POMT2: variants seen among roughly 807,000 people sequenced by gnomAD.
The protein encoded by POMT2 is protein O-mannosyl-transferase 2.
Under a neutral mutation model 100.0 loss-of-function variants are expected in POMT2, and 75 were observed. The observed-to-expected ratio is 0.75, with a 90% CI of 0.62 to 0.91. The LOEUF (loss-of-function observed/expected upper bound fraction) is 0.91, where lower values mean the gene tolerates loss of function less well. Ranked by LOEUF, POMT2 falls within the 40% of genes least tolerant of loss-of-function variation. The pLI is 0.00. For synonymous variants in POMT2, 378 were observed against 374.1 expected, an observed-to-expected ratio of 1.01 and a Z score of -0.12; for missense variants, 940 against 955.1, an observed-to-expected ratio of 0.98 and a Z score of 0.21.
chr14:77,292,901 T>A (rs1890688588), intron 9 of POMT2, among the ~76,000 whole-genome samples: 1 of 152,210 alleles, frequency 6.6e-6, no homozygotes, highest in African/African-American at 2.4e-5. Context: ...CCTAGGTTTG[T>A]GTAAGTACAT....
chr14:77,296,798 T>C (rs537849800), intron 8 of POMT2, among the ~76,000 whole-genome samples: 2 of 152,386 alleles, frequency 1.3e-5, no homozygotes, highest in Non-Finnish European at 2.9e-5. Flanking sequence ...CCTGCTCCTA[T>C]AGGCCCTGAG....
intron 20 of POMT2, 32 bp downstream of exon 20, chr14:77,278,362 T>C (rs1051291132): frequency 7.0e-7 from 1 of 1,429,678 alleles, no homozygotes; most frequent in Non-Finnish European, 9.6e-7. Context: ...GAGCCCACAC[T>C]GGGAGGGCAT....
intron 18 of POMT2, chr14:77,279,404 A>G (rs1890117421): frequency 2.5e-6 from 1 of 395,846 alleles, no homozygotes; most frequent in Admixed American, 3.2e-5. Flanking sequence ...GCTCCTCTCT[A>G]GCCCATGAGA....
chr14:77,287,028 G>C (rs1890449575), intron 11 of POMT2: 1 of 1,030,764 alleles, frequency 9.7e-7, no homozygotes, highest in Non-Finnish European at 1.4e-6. Context: ...CAAACCAGGA[G>C]AGACAGATGG....
chr14:77,292,548 TCCAATTATG>T (rs1481869662), intron 9 of POMT2, among the ~76,000 whole-genome samples: 1 of 152,184 alleles, frequency 6.6e-6, no homozygotes, highest in Non-Finnish European at 1.5e-5. Flanking sequence ...ACTATATACG[TCCAATTATG>T]CCAATTATGT....
rs3214405 is a variant in POMT2 at position 77,291,053 on chromosome 14, GCTAT to G, written c.1183+257_1183+260del. ...TCTACTTAGATTAAATCTGGGCTCC[GCTAT>G]CTGTCTTCAAAATGACAGCTCTAAG... On this transcript the variant is annotated intron_variant, in intron 10 of 20. Coordinates refer to ENST00000261534, the MANE Select transcript of POMT2 (RefSeq NM_013382.7). Among the ~76,000 whole-genome samples the G allele has an allele frequency of 0.027, 4,093 of 152,218 alleles. 74 individuals carry two copies. Among genetic ancestry groups the G allele is most frequent in the Middle Eastern group, 0.078 (23 of 294 alleles).
chr14:77,285,717 T>C, intron 12 of POMT2, 85 bp from the exon 13 acceptor site: 1 of 1,477,938 alleles, frequency 6.8e-7, no homozygotes, highest in Non-Finnish European at 9.4e-7. Flanking sequence ...GCCACCCAGA[T>C]GCCACCATGT....
At chr14:77,318,748 T>C (rs1418371837) in intron 1 of POMT2, among the ~76,000 whole-genome samples, 1 of 151,766 alleles carries the variant, frequency 6.6e-6, no homozygotes, top group Non-Finnish European at 1.5e-5. Context: ...TTTTTTTTTT[T>C]TTTTTGAGAC....
At chr14:77,306,212 C>G in intron 3 of POMT2, 125 bp downstream of exon 3, 1 of 1,513,792 alleles carries the variant, frequency 6.6e-7, no homozygotes, top group Non-Finnish European at 8.9e-7. Flanking sequence ...TCATCCTCCC[C>G]TCTCCTCACC....
At position 77,306,486 on chromosome 14, in the gene POMT2, A is replaced by G. The variant is rs66502123; in HGVS notation, c.334-45T>C. ...CAAAAAGATGAGAAGCCTTTGGGAG[A>G]AGATTCCTCTGTCCTCTGAACTTCC... is the stretch of plus-strand genomic sequence containing the variant. On this transcript the variant is annotated intron_variant, in intron 2 of 20. Coordinates refer to ENST00000261534, the MANE Select transcript of POMT2 (RefSeq NM_013382.7). 0.11 allele frequency: 177,886 copies of G among 1,602,448 alleles called. 11,093 individuals are homozygous for G. Among genetic ancestry groups the G allele is most frequent in the South Asian group, 0.19 (17,380 of 90,634 alleles).
chr14:77,303,345 G>A (rs540451219), intron 4 of POMT2, among the ~76,000 whole-genome samples: 6 of 152,160 alleles, frequency 3.9e-5, no homozygotes, highest in African/African-American at 7.2e-5. Context: ...CTTGGGGGTC[G>A]ATTCTCCAGA....
chr14:77,320,205 G>T, intron 1 of POMT2: 1 of 695,284 alleles, frequency 1.4e-6, no homozygotes, highest in Non-Finnish European at 2.4e-6. Flanking sequence ...GAAGACATGA[G>T]GGCTGCTTCC....
At chr14:77,286,928 T>C in intron 11 of POMT2, 106 bp from the exon 12 acceptor site, 1 of 1,569,944 alleles carries the variant, frequency 6.4e-7, no homozygotes, top group Non-Finnish European at 8.7e-7. Context: ...TAAGAAAAAT[T>C]AGAATCTGAA....
chr14:77,298,698 T>C lies in POMT2; in HGVS notation c.997A>G (p.Ile333Val), dbSNP rs1890917117. 2 of 1,613,788 alleles carry C rather than the reference T, an allele frequency of 1.2e-6. No individual in the cohort carries two copies. Among genetic ancestry groups the C allele is most frequent in the Non-Finnish European group, 1.7e-6 (2 of 1,179,898 alleles). The change falls in exon 8 of 21, where the codon ATC (isoleucine) becomes GTC (valine). Residue 333 changes from isoleucine (I) to valine (V), a missense_variant. Ile to Val is a conservative substitution (Grantham distance 29, BLOSUM62 3). Coordinates refer to ENST00000261534, the MANE Select transcript of POMT2 (RefSeq NM_013382.7). ...GCCCAGAGACACTCACGTTCAGGGA[T>C]GGAAGCATTGTGCAGGTTGTTCCCT... ...LSGNNLHNAS[I>V]PEHLAYGSVI...
intron 5 of POMT2, among the ~76,000 whole-genome samples, chr14:77,301,839 CA>C (rs1891056152): frequency 6.6e-6 from 1 of 152,130 alleles, no homozygotes; most frequent in African/African-American, 2.4e-5. Flanking sequence ...GCAATTGGGT[CA>C]ATGTTAGTGC....
At chr14:77,297,456 C>A (rs1037565901) in intron 8 of POMT2, among the ~76,000 whole-genome samples, 1 of 152,184 alleles carries the variant, frequency 6.6e-6, no homozygotes, top group African/African-American at 2.4e-5. Flanking sequence ...TTGAAAGCAT[C>A]AGCCCCAAAT....
At chr14:77,312,821 T>C (rs1048823898) in intron 1 of POMT2, among the ~76,000 whole-genome samples, 6 of 152,196 alleles carry the variant, frequency 3.9e-5, no homozygotes, top group African/African-American at 1.4e-4. Flanking sequence ...AAACCATGAG[T>C]GTCACAGGAG....
chr14:77,285,282 T>C, intron 13 of POMT2, 199 bp downstream of exon 13: 1 of 755,508 alleles, frequency 1.3e-6, no homozygotes, highest in Non-Finnish European at 2.1e-6. Flanking sequence ...TGTTGAACTA[T>C]CAGAACACAT....
In POMT2 at chr14:77,291,220, CAT is replaced by C. The variant is rs1254703903; in HGVS notation, c.1183+92_1183+93del. 2.5e-6 allele frequency: 3 copies of C among 1,221,864 alleles called. No individual in the cohort carries two copies. In the African/African-American group the frequency reaches 4.5e-5, roughly 18 times the overall value. 75.7% of individuals were successfully genotyped at this position (1,221,864 alleles called of 1,614,324 possible). A position where few individuals can be genotyped will look rare whatever the true frequency, so the allele number is the denominator to read the frequency against. ...GGTGTCAAAGATGCTCAGCAAAGCCCATCTCAGGATCATTCTTTTGCAGGCAT... is the reference window on the plus strand; with the variant it reads ...GGTGTCAAAGATGCTCAGCAAAGCCCCTCAGGATCATTCTTTTGCAGGCAT... On this transcript the variant is annotated intron_variant, in intron 10 of 20. Transcript: ENST00000261534.
Sources: gnomAD v4.1 joint callset for allele counts (sites outside exome capture counted in the v4.1 genomes callset) on GRCh38, gnomAD v4.1.1 for gene constraint, MANE v1.5 for transcripts, NCBI Gene and HGNC (gene_info 2026-07-23, HGNC 2026-07-21) for gene names.